Variants in FRMPD4 observed in about 807,000 individuals in gnomAD.
FRMPD4 encodes FERM and PDZ domain-containing protein 4.
A neutral mutation model predicts 94.1 loss-of-function variants in FRMPD4; 22 were observed. That is an observed-to-expected ratio of 0.23 (90% CI 0.17 to 0.33). The LOEUF (loss-of-function observed/expected upper bound fraction) is 0.33. FRMPD4 is among the 10% of genes least tolerant of loss of function. The pLI, the probability that FRMPD4 is intolerant of heterozygous loss-of-function variation, is 1.00. For synonymous variants in FRMPD4, 631 were observed against 548.6 expected (o/e 1.15, Z -2.10); for missense variants, 1,111 against 1,339.9 (o/e 0.83, Z 2.67).
intron 2 of FRMPD4, among the ~76,000 whole-genome samples, chrX:12,572,830 T>C (rs915001080): frequency 8.9e-6 from 1 of 112,078 alleles, no homozygotes; most frequent in Non-Finnish European, 1.9e-5. Flanking sequence ...CAGAAAGGAA[T>C]AGTGGCTTGG....
chrX:12,170,410 G>A (rs1346881079), intron 1 of FRMPD4, among the ~76,000 whole-genome samples: 2 of 110,775 alleles, frequency 1.8e-5, no homozygotes, highest in South Asian at 7.8e-4. Flanking sequence ...GTTAGCATCC[G>A]TGAAATACTG....
intron 1 of FRMPD4, among the ~76,000 whole-genome samples, chrX:12,295,903 G>A (rs1318408890): frequency 9.0e-6 from 1 of 111,699 alleles, no homozygotes; most frequent in Non-Finnish European, 1.9e-5. Flanking sequence ...TGTGTGTCTG[G>A]CACATAATAG....
At chrX:12,711,801 A>T (rs1234431806) in intron 14 of FRMPD4, among the ~76,000 whole-genome samples, 5 of 107,492 alleles carry the variant, frequency 4.7e-5, no homozygotes, top group African/African-American at 1.4e-4. Context: ...ATCAGAGAAA[A>T]TGAGGGGAGA....
At chrX:12,452,657 TTTAATA>T (rs1178472491) in intron 1 of FRMPD4, among the ~76,000 whole-genome samples, 1 of 112,600 alleles carries the variant, frequency 8.9e-6, no homozygotes, top group Non-Finnish European at 1.9e-5. Context: ...CAAGCCTATT[TTTAATA>T]TTAATATTCA....
upstream of FRMPD4, among the ~76,000 whole-genome samples, chrX:12,135,784 T>C (rs772296646): frequency 1.8e-5 from 2 of 111,595 alleles, no homozygotes; most frequent in East Asian, 5.6e-4. Flanking sequence ...GAATAATTAT[T>C]GATAAATAGG....
intron 4 of FRMPD4, among the ~76,000 whole-genome samples, chrX:12,646,046 A>G (rs1242170699): frequency 2.7e-5 from 3 of 112,276 alleles, no homozygotes; most frequent in African/African-American, 6.5e-5. Context: ...TTATTATTTT[A>G]GAGGATAGAT....
chrX:12,185,488 A>C (rs970615), intron 1 of FRMPD4, among the ~76,000 whole-genome samples: 54,975 of 109,396 alleles, frequency 0.5, 10,862 homozygotes, highest in East Asian at 0.84. Flanking sequence ...AGACCTAGAA[A>C]CTTCTCTTCC....
chrX:11,895,529 A>G (rs1250254223), intron 3 of FRMPD4, among the ~76,000 whole-genome samples: 1 of 111,819 alleles, frequency 8.9e-6, no homozygotes, highest in East Asian at 2.8e-4. Context: ...GGTTCATCCA[A>G]TATAACATGC....
intron 1 of FRMPD4, among the ~76,000 whole-genome samples, chrX:12,316,135 C>A: frequency 9.0e-6 from 1 of 111,317 alleles, no homozygotes; most frequent in Middle Eastern, 4.6e-3. Context: ...AATGTGTGTC[C>A]ATTTCCAGAT....
intron 3 of FRMPD4, among the ~76,000 whole-genome samples, chrX:12,030,767 A>G (rs1198646125): frequency 8.9e-6 from 1 of 111,865 alleles, no homozygotes; most frequent in Non-Finnish European, 1.9e-5. Context: ...AAGACAGAAT[A>G]TTAGCTAAAA....
intron 3 of FRMPD4, among the ~76,000 whole-genome samples, chrX:11,931,615 C>T (rs1175814189): frequency 1.8e-5 from 2 of 111,872 alleles, no homozygotes; most frequent in African/African-American, 3.2e-5. Flanking sequence ...AAAGTGAGTC[C>T]GAAATTGGGA....
intron 1 of FRMPD4, among the ~76,000 whole-genome samples, chrX:11,829,591 A>G (rs1351129443): frequency 9.0e-6 from 1 of 111,653 alleles, no homozygotes; most frequent in Non-Finnish European, 1.9e-5. Flanking sequence ...TTAAAAAAGA[A>G]TAACCACTAG....
At chrX:12,208,804 C>T (rs2056724455) in intron 1 of FRMPD4, among the ~76,000 whole-genome samples, 1 of 111,541 alleles carries the variant, frequency 9.0e-6, no homozygotes, top group Non-Finnish European at 1.9e-5. Flanking sequence ...TACAATCATG[C>T]ATTACATTTA....
chrX:12,237,065 G>A (rs1035690029), intron 1 of FRMPD4, among the ~76,000 whole-genome samples: 5 of 111,937 alleles, frequency 4.5e-5, no homozygotes, highest in African/African-American at 1.6e-4. Flanking sequence ...CCTGATCTAC[G>A]CAATAGAAGA....
chrX:12,154,391 G>A (rs375544156), intron 1 of FRMPD4, among the ~76,000 whole-genome samples: 1 of 112,660 alleles, frequency 8.9e-6, no homozygotes, highest in Non-Finnish European at 1.9e-5. Context: ...AATAAATTGC[G>A]TTCCCTTTTG....
intron 1 of FRMPD4, among the ~76,000 whole-genome samples, chrX:12,304,577 A>G (rs2054907147): frequency 9.0e-6 from 1 of 111,318 alleles, no homozygotes; most frequent in South Asian, 3.8e-4. Flanking sequence ...CCAAGATATT[A>G]TAAGTAAGAA....
intron 1 of FRMPD4, among the ~76,000 whole-genome samples, chrX:11,840,242 C>A (rs1165762978): frequency 9.0e-6 from 1 of 111,346 alleles, no homozygotes; most frequent in Non-Finnish European, 1.9e-5. Flanking sequence ...TTCCCCAATT[C>A]TCTCAGCAAT....
intron 3 of FRMPD4, among the ~76,000 whole-genome samples, chrX:11,984,157 G>T (rs999804664): frequency 1.8e-5 from 2 of 112,273 alleles, no homozygotes; most frequent in African/African-American, 6.5e-5. Flanking sequence ...GTTGCAGAAG[G>T]ACTCTCCAAC....
chrX:12,638,793 C>A (rs963679218), intron 4 of FRMPD4, among the ~76,000 whole-genome samples: 1 of 111,528 alleles, frequency 9.0e-6, no homozygotes, highest in Non-Finnish European at 1.9e-5. Context: ...CAAGCAGCTA[C>A]CTAACTCTGT....
Sources: gnomAD v4.1 joint callset for allele counts (sites outside exome capture counted in the v4.1 genomes callset) on GRCh38, gnomAD v4.1.1 for gene constraint, MANE v1.5 for transcripts, NCBI Gene and HGNC (gene_info 2026-07-23, HGNC 2026-07-21) for gene names.